The following SCFD2 variants were observed in gnomAD, a reference collection of about 807,000 sequenced individuals.
SCFD2 encodes sec1 family domain containing 2, also known as sec1 family domain-containing protein 2.
Under a neutral mutation model 58.9 loss-of-function variants are expected in SCFD2, and 54 were observed. That is an observed-to-expected ratio of 0.92 (90% CI 0.74 to 1.15). The LOEUF (loss-of-function observed/expected upper bound fraction) is 1.15, where lower values mean the gene tolerates loss of function less well. SCFD2 is among the 50% of genes most tolerant of loss of function. The pLI is 0.00. For synonymous variants in SCFD2, 321 were observed against 335.9 expected (o/e 0.96, Z 0.49); for missense variants, 805 against 836.6 (o/e 0.96, Z 0.47).
At chr4:53,217,131 G>A (rs1423956032) in intron 4 of SCFD2, among the ~76,000 whole-genome samples, 1 of 152,168 alleles carries the variant, frequency 6.6e-6, no homozygotes, top group Non-Finnish European at 1.5e-5. Context: ...TGTTGATTTG[G>A]GGTGGAGAGT....
At chr4:52,899,833 G>T (rs937911254) in intron 7 of SCFD2, among the ~76,000 whole-genome samples, 19 of 152,082 alleles carry the variant, frequency 1.2e-4, no homozygotes, top group Non-Finnish European at 1.8e-4. Flanking sequence ...ATATTTCTTG[G>T]AGGCTTTGTT....
At chr4:53,334,820 T>C (rs1177646614) in intron 2 of SCFD2, among the ~76,000 whole-genome samples, 1 of 152,154 alleles carries the variant, frequency 6.6e-6, no homozygotes, top group Non-Finnish European at 1.5e-5. Flanking sequence ...ATTTACATAA[T>C]CTCAAAATGC....
At chr4:53,301,368 T>G (rs949865141) in intron 3 of SCFD2, among the ~76,000 whole-genome samples, 1 of 152,130 alleles carries the variant, frequency 6.6e-6, no homozygotes, top group Non-Finnish European at 1.5e-5. Context: ...GATAAATTCC[T>G]CAACACATAC....
intron 3 of SCFD2, among the ~76,000 whole-genome samples, chr4:53,280,965 C>A (rs559945128): frequency 6.6e-6 from 1 of 152,270 alleles, no homozygotes; most frequent in East Asian, 1.9e-4. Flanking sequence ...TAAATGAGCA[C>A]AACTGAACAC....
chr4:53,276,036 G>A (rs1731316114), intron 3 of SCFD2, among the ~76,000 whole-genome samples: 1 of 152,028 alleles, frequency 6.6e-6, no homozygotes, highest in Non-Finnish European at 1.5e-5. Context: ...GTGTGTGTGT[G>A]TGTGTGTATA....
chr4:53,126,598 G>A (rs1298090533), intron 5 of SCFD2, among the ~76,000 whole-genome samples: 2 of 152,212 alleles, frequency 1.3e-5, no homozygotes, highest in Non-Finnish European at 1.5e-5. Context: ...TTACAAGTGT[G>A]AGCCACCACG....
chr4:53,213,299 A>G (rs1279042736), intron 4 of SCFD2, among the ~76,000 whole-genome samples: 3 of 152,144 alleles, frequency 2.0e-5, no homozygotes, highest in Non-Finnish European at 4.4e-5. Flanking sequence ...GGTGTATAGA[A>G]AAAAGAAATT....
At chr4:53,214,843 A>C (rs1728759171) in intron 4 of SCFD2, among the ~76,000 whole-genome samples, 1 of 152,154 alleles carries the variant, frequency 6.6e-6, no homozygotes, top group African/African-American at 2.4e-5. Context: ...GATGTAAGGA[A>C]GGGATCCAGT....
intron 4 of SCFD2, among the ~76,000 whole-genome samples, chr4:53,164,788 CAA>C (rs767167356): frequency 0.034 from 3,276 of 97,594 alleles, 152 homozygotes; most frequent in African/African-American, 0.13. Context: ...TCTGGAGTCT[CAA>C]AAAAAAAAAA....
chr4:52,948,258 CT>C (rs1720493413), intron 5 of SCFD2: 1 of 270,492 alleles, frequency 3.7e-6, no homozygotes, highest in Non-Finnish European at 7.5e-6. Flanking sequence ...TTTTGTCCCC[CT>C]GGCACATGGC....
At chr4:53,344,108 G>A (rs1733977715) in intron 2 of SCFD2, among the ~76,000 whole-genome samples, 2 of 151,694 alleles carry the variant, frequency 1.3e-5, no homozygotes, top group Non-Finnish European at 2.9e-5. Flanking sequence ...GGGCAATCAC[G>A]CAGGTGAAAG....
chr4:53,044,916 C>CCCGCCA (rs1553872110), intron 5 of SCFD2, among the ~76,000 whole-genome samples: 1,587 of 110,190 alleles, frequency 0.014, 116 homozygotes, highest in African/African-American at 0.054. Context: ...ACCCCCCCCC[C>CCCGCCA]CCGCCCACAA....
At chr4:52,895,417 C>T (rs764877568) in intron 7 of SCFD2, among the ~76,000 whole-genome samples, 16 of 152,106 alleles carry the variant, frequency 1.1e-4, no homozygotes, top group South Asian at 2.1e-4. Context: ...TGAGAACATG[C>T]GGTGTTTGGT....
intron 4 of SCFD2, among the ~76,000 whole-genome samples, chr4:53,170,321 T>C (rs1261433984): frequency 6.6e-6 from 1 of 152,208 alleles, no homozygotes; most frequent in Admixed American, 6.5e-5. Context: ...TTGGGCATCT[T>C]TGGCAAAAAT....
intron 5 of SCFD2, among the ~76,000 whole-genome samples, chr4:53,018,915 A>G (rs145696914): frequency 7.2e-5 from 11 of 152,286 alleles, no homozygotes; most frequent in African/African-American, 2.4e-4. Flanking sequence ...GCCAGTTAGG[A>G]AGCAAAGCAG....
intron 5 of SCFD2, among the ~76,000 whole-genome samples, chr4:52,997,646 G>T (rs1430940275): frequency 6.6e-6 from 1 of 152,208 alleles, no homozygotes; most frequent in Non-Finnish European, 1.5e-5. Context: ...CAGGGCTTAG[G>T]CCTGGGGAAA....
intron 5 of SCFD2, among the ~76,000 whole-genome samples, chr4:52,993,596 G>C (rs180887467): frequency 1.4e-4 from 21 of 152,200 alleles, no homozygotes; most frequent in African/African-American, 4.6e-4. Context: ...CAAAATGACT[G>C]CTTCAAGAAA....
intron 5 of SCFD2, among the ~76,000 whole-genome samples, chr4:52,985,919 G>A (rs549723949): frequency 2.0e-5 from 3 of 152,120 alleles, no homozygotes; most frequent in Non-Finnish European, 4.4e-5. Context: ...GGTGAGGTGC[G>A]GGTATATGGA....
At chr4:53,254,797 ATTTTATTT>A (rs1487102243) in intron 4 of SCFD2, among the ~76,000 whole-genome samples, 1 of 146,912 alleles carries the variant, frequency 6.8e-6, no homozygotes, top group Non-Finnish European at 1.5e-5. Context: ...CTTCATGTTT[ATTTTATTT>A]TTTTATTTTA....
Sources: gnomAD v4.1 joint callset for allele counts (sites outside exome capture counted in the v4.1 genomes callset) on GRCh38, gnomAD v4.1.1 for gene constraint, MANE v1.5 for transcripts, NCBI Gene and HGNC (gene_info 2026-07-23, HGNC 2026-07-21) for gene names.